The following CAMK4 variants were observed in gnomAD, a reference collection of about 807,000 sequenced individuals.
The protein encoded by CAMK4 is calcium/calmodulin-dependent protein kinase type IV.
A neutral mutation model predicts 44.9 loss-of-function variants in CAMK4; 22 were observed. The observed-to-expected ratio is 0.49, with a 90% CI of 0.35 to 0.70. The LOEUF is 0.70. Ranked by LOEUF, CAMK4 falls within the 30% of genes least tolerant of loss-of-function variation. The pLI is 0.01. For missense variants in CAMK4, 498 were observed against 586.8 expected (o/e 0.85, Z 1.56); for synonymous variants, 218 against 215.4 (o/e 1.01, Z -0.11).
rs1561526648 is a variant in CAMK4, at chr5:111,494,200, A to ACTT, written c.*9734_*9735insCTT. On this transcript the variant is annotated 3_prime_UTR_variant, in exon 11 of 11. Transcript: ENST00000282356. ...CTGCAAGTCAGTAGCCAAACACAAG[A>ACTT]GCATGTAAGATTTGGAGGACAAAGT... 5.9e-5 allele frequency: 9 copies of ACTT among 152,196 alleles called. No individual in the cohort carries two copies. Among genetic ancestry groups the ACTT allele is most frequent in the African/African-American group, 2.2e-4 (9 of 41,454 alleles). The allele number at this position is 152,196 out of a possible 1,614,324, so 9.4% of individuals were successfully genotyped here. A position where few individuals can be genotyped will look rare whatever the true frequency, so the allele number is the denominator to read the frequency against.
chr5:111,388,903 C>T (rs1331733754), intron 4 of CAMK4, among the ~76,000 whole-genome samples: 1 of 152,154 alleles, frequency 6.6e-6, no homozygotes, highest in African/African-American at 2.4e-5. Context: ...ACCTACTACT[C>T]CTCTCTCCCT....
intron 5 of CAMK4, among the ~76,000 whole-genome samples, chr5:111,435,443 A>G (rs1375761241): frequency 6.6e-6 from 1 of 152,154 alleles, no homozygotes; most frequent in African/African-American, 2.4e-5. Context: ...TGATATTTTC[A>G]GCTTCCTCAT....
intron 1 of CAMK4, among the ~76,000 whole-genome samples, chr5:111,263,928 CAT>C (rs1750110674): frequency 6.6e-6 from 1 of 152,042 alleles, no homozygotes. Context: ...AAAGCATTCT[CAT>C]AGAAAAAAAA....
chr5:111,395,230 A>AAAAAAAAAAAAAG (rs1561460468), intron 5 of CAMK4, among the ~76,000 whole-genome samples: 4 of 106,454 alleles, frequency 3.8e-5, no homozygotes, highest in African/African-American at 1.1e-4. Flanking sequence ...AAAAAAAAGA[A>AAAAAAAAAAAAAG]AAAAAAAAAG....
At chr5:111,351,757 A>T (rs1253241169) in intron 2 of CAMK4, among the ~76,000 whole-genome samples, 1 of 152,090 alleles carries the variant, frequency 6.6e-6, no homozygotes, top group African/African-American at 2.4e-5. Context: ...AATGGTACTC[A>T]TAAAAATAAT....
At chr5:111,391,248 A>G (rs184651772) in intron 4 of CAMK4, among the ~76,000 whole-genome samples, 8 of 152,318 alleles carry the variant, frequency 5.3e-5, no homozygotes, top group Admixed American at 4.6e-4. Flanking sequence ...AAGAGATCTC[A>G]GAAAGAATGA....
At chr5:111,436,694 G>A (rs917291339) in intron 5 of CAMK4, among the ~76,000 whole-genome samples, 6 of 152,190 alleles carry the variant, frequency 3.9e-5, no homozygotes, top group Admixed American at 3.9e-4. Flanking sequence ...TCTCCCTAGT[G>A]TATTATTACA....
At chr5:111,298,676 C>T (rs897104185) in intron 1 of CAMK4, among the ~76,000 whole-genome samples, 2 of 152,218 alleles carry the variant, frequency 1.3e-5, no homozygotes, top group African/African-American at 2.4e-5. Context: ...ACTGAAGAAG[C>T]ACAAGTTACT....
intron 5 of CAMK4, among the ~76,000 whole-genome samples, chr5:111,402,365 C>G (rs1752259349): frequency 1.3e-5 from 2 of 152,212 alleles, no homozygotes; most frequent in African/African-American, 4.8e-5. Context: ...TATTCAGAGT[C>G]TTCCAAAATG....
chr5:111,341,257 T>C (rs548680383), intron 1 of CAMK4, among the ~76,000 whole-genome samples: 1 of 151,392 alleles, frequency 6.6e-6, no homozygotes, highest in Admixed American at 6.6e-5. Flanking sequence ...ATTTTGTATC[T>C]AAGAAATCAT....
chr5:111,395,480 G>A (rs1188072204), intron 5 of CAMK4, among the ~76,000 whole-genome samples: 3 of 150,842 alleles, frequency 2.0e-5, no homozygotes, highest in Admixed American at 6.6e-5. Flanking sequence ...GTAGAGATGT[G>A]GAAGAGGGTT....
chr5:111,362,697 TTC>T (rs1750640740), intron 2 of CAMK4, among the ~76,000 whole-genome samples: 1 of 152,056 alleles, frequency 6.6e-6, no homozygotes, highest in South Asian at 2.1e-4. Flanking sequence ...TTAACATTAA[TTC>T]TCTCTTTGTT....
At chr5:111,296,368 T>C (rs1747485178) in intron 1 of CAMK4, among the ~76,000 whole-genome samples, 1 of 152,248 alleles carries the variant, frequency 6.6e-6, no homozygotes, top group Non-Finnish European at 1.5e-5. Flanking sequence ...TTGGCATTTA[T>C]ATTATAGAAG....
chr5:111,335,337 G>A (rs942676681), intron 1 of CAMK4, among the ~76,000 whole-genome samples: 2 of 151,340 alleles, frequency 1.3e-5, no homozygotes, highest in African/African-American at 2.4e-5. Context: ...TATGAACCCA[G>A]ACTTCCTAAT....
rs558699997 is a variant in CAMK4 at position 111,405,255 on chromosome 5, G to A, written c.459+10473G>A. 2.0e-5 allele frequency among the ~76,000 whole-genome samples: 3 copies of A among 152,288 alleles called. No homozygotes were observed. The South Asian group carries it at 6.2e-4, about 32-fold the overall frequency. ...GAGGCCAAGGCGGGCGGATCACAAG[G>A]TCAAGAAATTGAGACCATCCTGGCC... On this transcript the variant is annotated intron_variant, in intron 5 of 10. Coordinates refer to ENST00000282356, the MANE Select transcript of CAMK4 (RefSeq NM_001744.6).
chr5:111,379,422 A>G lies in CAMK4; in HGVS notation c.386+2480A>G, dbSNP rs757811165. Among the ~76,000 whole-genome samples, 136 of 152,186 alleles carry G rather than the reference A, an allele frequency of 8.9e-4. 2 individuals carry two copies. Among genetic ancestry groups the G allele is most frequent in the Non-Finnish European group, 1.8e-4 (12 of 68,022 alleles). On this transcript the variant is annotated intron_variant, in intron 4 of 10. Transcript: ENST00000282356. ...ATATTTAACAGAAAACCTCTGAAGA[A>G]TGGCATACAGCCAGTAAAGCACTCA...
chr5:111,341,648 G>T (rs1749650066), intron 1 of CAMK4, among the ~76,000 whole-genome samples: 1 of 151,186 alleles, frequency 6.6e-6, no homozygotes, highest in South Asian at 2.1e-4. Flanking sequence ...TTAGAAATAT[G>T]TAACAATTAC....
At chr5:111,383,676 A>C (rs1272035022) in intron 4 of CAMK4, among the ~76,000 whole-genome samples, 2 of 149,896 alleles carry the variant, frequency 1.3e-5, no homozygotes, top group African/African-American at 2.5e-5. Flanking sequence ...CATGTTCGCC[A>C]GGATGGTCTG....
intron 5 of CAMK4, among the ~76,000 whole-genome samples, chr5:111,408,218 A>G (rs142172307): frequency 1.1e-4 from 16 of 152,304 alleles, no homozygotes; most frequent in African/African-American, 3.6e-4. Flanking sequence ...GTTTCCCTCT[A>G]AGGATGGTGT....
Sources: gnomAD v4.1 joint callset for allele counts (sites outside exome capture counted in the v4.1 genomes callset) on GRCh38, gnomAD v4.1.1 for gene constraint, MANE v1.5 for transcripts, NCBI Gene and HGNC (gene_info 2026-07-23, HGNC 2026-07-21) for gene names.